Variants in SPIRE1 observed in about 807,000 individuals in gnomAD.
SPIRE1 encodes the protein protein spire homolog 1.
In SPIRE1, 40 loss-of-function variants were observed where a neutral mutation model predicts 94.1. That is an observed-to-expected ratio of 0.43 (90% CI 0.33 to 0.55). The LOEUF (loss-of-function observed/expected upper bound fraction) is 0.55. SPIRE1 is among the 20% of genes least tolerant of loss of function. SPIRE1 has a pLI of 0.06. For synonymous variants in SPIRE1, 376 were observed against 371.7 expected, an observed-to-expected ratio of 1.01 and a Z score of -0.13; for missense variants, 838 against 975.2, an observed-to-expected ratio of 0.86 and a Z score of 1.87.
At chr18:12,567,875 C>A (rs144710779) in intron 2 of SPIRE1, among the ~76,000 whole-genome samples, 2 of 152,210 alleles carry the variant, frequency 1.3e-5, no homozygotes, top group African/African-American at 2.4e-5. Context: ...GAATTTACTA[C>A]GTTTCCCATT....
intron 4 of SPIRE1, among the ~76,000 whole-genome samples, chr18:12,532,800 T>C (rs187688525): frequency 4.6e-5 from 7 of 152,332 alleles, no homozygotes; most frequent in Non-Finnish European, 8.8e-5. Context: ...TCCTGAAACC[T>C]GAGTGTTGAT....
At chr18:12,661,417 G>A (rs2144935167), upstream of SPIRE1, 4 of 935,134 alleles carry the variant, frequency 4.3e-6, no homozygotes, top group South Asian at 1.5e-4. Context: ...TCTTCTCAGT[G>A]GAGTTCTAGC....
At chr18:12,453,492 G>A (rs1435676583) in intron 13 of SPIRE1, among the ~76,000 whole-genome samples, 2 of 148,992 alleles carry the variant, frequency 1.3e-5, no homozygotes, top group African/African-American at 5.0e-5. Context: ...GGAGTGCAAT[G>A]GCATGATCTT....
At chr18:12,642,866 G>A (rs1358171795) in intron 1 of SPIRE1, among the ~76,000 whole-genome samples, 1 of 152,086 alleles carries the variant, frequency 6.6e-6, no homozygotes, top group Non-Finnish European at 1.5e-5. Flanking sequence ...AAACCAGCAT[G>A]GCACATGTAT....
chr18:12,469,754 A>G (rs947770665), intron 10 of SPIRE1, among the ~76,000 whole-genome samples: 17 of 144,870 alleles, frequency 1.2e-4, no homozygotes, highest in African/African-American at 4.3e-4. Context: ...TAATATAATT[A>G]TATATATACA....
intron 1 of SPIRE1, chr18:12,636,291 ATCC>A (rs1259785695): frequency 1.3e-5 from 2 of 152,024 alleles, no homozygotes; most frequent in Admixed American, 6.6e-5. Flanking sequence ...ACCCAATACT[ATCC>A]TCCCACTTCT....
intron 2 of SPIRE1, among the ~76,000 whole-genome samples, chr18:12,584,079 T>C (rs1239979954): frequency 6.6e-6 from 1 of 151,892 alleles, no homozygotes; most frequent in Non-Finnish European, 1.5e-5. Context: ...AAGGTTAATA[T>C]AAAAGGACAG....
intron 3 of SPIRE1, among the ~76,000 whole-genome samples, chr18:12,539,420 C>T (rs1436969404): frequency 6.6e-6 from 1 of 152,064 alleles, no homozygotes; most frequent in Admixed American, 6.6e-5. Context: ...TCCTTAGCCA[C>T]GTGGAACTGT....
intron 2 of SPIRE1, among the ~76,000 whole-genome samples, chr18:12,548,950 C>T (rs1336384029): frequency 3.3e-5 from 5 of 152,192 alleles, no homozygotes; most frequent in Non-Finnish European, 5.9e-5. Context: ...AATGGATCTT[C>T]TAAGTTCCAA....
Position 12,446,586 on chromosome 18 carries a change from A to C in SPIRE1, c.*3052T>G, listed in dbSNP as rs1257711320. On this transcript the variant is annotated 3_prime_UTR_variant, in exon 17 of 17. Coordinates refer to ENST00000409402, the MANE Select transcript of SPIRE1 (RefSeq NM_001128626.2). ...TTAATGGAAAACATTTAGTACCATC[A>C]TGTCACCCTGAATGCCAGCAATACC... is the stretch of plus-strand genomic sequence containing the variant. 1.3e-5 allele frequency: 2 copies of C among 152,184 alleles called. No homozygotes were observed. The highest frequency in any genetic ancestry group is 2.9e-5 in the Non-Finnish European group (2 of 68,036). The allele number at this position is 152,184 out of a possible 1,614,324, so 9.4% of individuals were successfully genotyped here.
intron 3 of SPIRE1, among the ~76,000 whole-genome samples, chr18:12,544,681 A>AT (rs1022780744): frequency 1.2e-4 from 18 of 152,000 alleles, no homozygotes; most frequent in Non-Finnish European, 2.2e-4. Context: ...TTAACTATTC[A>AT]TTTTTCATAT....
At chr18:12,462,656 C>T (rs2031913986) in intron 12 of SPIRE1, among the ~76,000 whole-genome samples, 1 of 152,174 alleles carries the variant, frequency 6.6e-6, no homozygotes, top group Non-Finnish European at 1.5e-5. Flanking sequence ...AAACAATGTA[C>T]AGTAGTTATT....
chr18:12,507,273 A>G (rs2033867537), intron 5 of SPIRE1, among the ~76,000 whole-genome samples: 1 of 152,198 alleles, frequency 6.6e-6, no homozygotes, highest in South Asian at 2.1e-4. Flanking sequence ...AGATAAGGCC[A>G]CTTGCCAGCT....
At chr18:12,507,706 A>T (rs938726374) in intron 5 of SPIRE1, among the ~76,000 whole-genome samples, 1 of 143,974 alleles carries the variant, frequency 6.9e-6, no homozygotes, top group Non-Finnish European at 1.5e-5. Flanking sequence ...CTCAAAAAAT[A>T]AAAAAAAAAC....
rs984357192 is a variant in SPIRE1 at position 12,512,494 on chromosome 18, T to C, written c.767A>G (p.Glu256Gly). The C allele has an allele frequency of 1.9e-6, 3 of 1,612,692 alleles. No homozygotes were observed. Among genetic ancestry groups the C allele is most frequent in the African/African-American group, 2.7e-5 (2 of 74,886 alleles). ...CAGCTCTTCCAAGTCTGTGCTAGAT[T>C]CATCGCTCTTTTCCATTTCTTGAAT... ...KKIQEMEKSD[E>G]SSTDLEELKN... is the part of the protein sequence containing the mutation. The change falls in exon 5 of 17, where the codon GAA becomes GGA. Residue 256 changes from glutamate to glycine, a missense_variant. By Grantham distance (98) the Glu-to-Gly change is moderately conservative. This residue lies in a region of SPIRE1 where 645 missense variants were observed against 804.7 expected (regional missense o/e 0.80). Transcript: ENST00000409402.
intron 2 of SPIRE1, among the ~76,000 whole-genome samples, chr18:12,603,724 G>C (rs1021273564): frequency 6.6e-6 from 1 of 151,878 alleles, no homozygotes; most frequent in African/African-American, 2.4e-5. Flanking sequence ...ACAGGTGCCC[G>C]ACACCACGCC....
At chr18:12,594,954 TTAA>T (rs1431788409) in intron 2 of SPIRE1, among the ~76,000 whole-genome samples, 2 of 152,204 alleles carry the variant, frequency 1.3e-5, no homozygotes, top group Admixed American at 1.3e-4. Flanking sequence ...TATGAGGTTC[TTAA>T]TAACATTTTC....
At chr18:12,620,289 G>A (rs932466421) in intron 2 of SPIRE1, among the ~76,000 whole-genome samples, 1 of 152,202 alleles carries the variant, frequency 6.6e-6, no homozygotes, top group African/African-American at 2.4e-5. Flanking sequence ...CAATCCCTAT[G>A]AGAATTCCAG....
intron 4 of SPIRE1, among the ~76,000 whole-genome samples, chr18:12,532,109 A>G (rs1252565182): frequency 6.6e-6 from 1 of 152,236 alleles, no homozygotes; most frequent in Non-Finnish European, 1.5e-5. Flanking sequence ...CAGCAGGCCT[A>G]CCCAAATCTT....
Sources: gnomAD v4.1 joint callset for allele counts (sites outside exome capture counted in the v4.1 genomes callset) on GRCh38, gnomAD v4.1.1 for gene constraint, gnomAD v4.1.1 regional missense constraint, MANE v1.5 for transcripts, NCBI Gene and HGNC (gene_info 2026-07-23, HGNC 2026-07-21) for gene names.